Variants in LAMA1 observed in about 807,000 individuals in gnomAD.
LAMA1 encodes laminin subunit alpha 1.
In LAMA1, 219 loss-of-function variants were observed where a neutral mutation model predicts 348.7. The ratio of observed to expected loss-of-function variants is 0.63; its 90% CI spans 0.56 to 0.70. The LOEUF (loss-of-function observed/expected upper bound fraction) is 0.70, where lower values mean the gene tolerates loss of function less well. Among genes scored for constraint, LAMA1 ranks in the 30% least tolerant of loss-of-function variants. The pLI is 0.00. For synonymous variants in LAMA1, 1,487 were observed against 1,491.0 expected (o/e 1.00, Z 0.06); for missense variants, 3,744 against 3,888.0 (o/e 0.96, Z 0.99).
intron 1 of LAMA1, among the ~76,000 whole-genome samples, chr18:7,097,276 A>T (rs985725057): frequency 6.6e-5 from 10 of 151,776 alleles, no homozygotes; most frequent in Admixed American, 3.9e-4. Flanking sequence ...TGAACAAAAA[A>T]AATAATAAAA....
chr18:7,072,972 T>C (rs1022581114), intron 3 of LAMA1, among the ~76,000 whole-genome samples: 3 of 152,102 alleles, frequency 2.0e-5, no homozygotes, highest in African/African-American at 4.8e-5. Context: ...GACTCCAGCC[T>C]CCAGCTTTCC....
At chr18:7,100,058 C>CAA (rs3038921) in intron 1 of LAMA1, among the ~76,000 whole-genome samples, 1,486 of 79,236 alleles carry the variant, frequency 0.019, 136 homozygotes, top group African/African-American at 0.06. Context: ...GACTTTGTCT[C>CAA]AAAAAAAAAA....
chr18:7,026,708 T>C (rs2057945036), intron 16 of LAMA1, among the ~76,000 whole-genome samples: 1 of 152,090 alleles, frequency 6.6e-6, no homozygotes, highest in African/African-American at 2.4e-5. Context: ...AAAAAAATGA[T>C]CATATTCGGC....
chr18:7,036,525 T>C (rs944920727), intron 12 of LAMA1, among the ~76,000 whole-genome samples: 2 of 152,202 alleles, frequency 1.3e-5, no homozygotes, highest in Non-Finnish European at 1.5e-5. Context: ...ACTAAAGGTG[T>C]TTCTTCTGAT....
intron 5 of LAMA1, among the ~76,000 whole-genome samples, chr18:7,047,203 C>T (rs566062439): frequency 6.6e-6 from 1 of 152,094 alleles, no homozygotes; most frequent in East Asian, 1.9e-4. Context: ...CGCCACCACG[C>T]CCAGCTAATT....
In LAMA1 at chr18:7,096,860, T is replaced by C. The variant is rs180953999; in HGVS notation, c.62-16403A>G. On this transcript the variant is annotated intron_variant, in intron 1 of 62. Coordinates refer to ENST00000389658, the MANE Select transcript of LAMA1 (RefSeq NM_005559.4). ...AACAACAAACTGGCAAGCTTTTCTTTAGGAAAAGCTGCTAGAGTTTTGGGT... is the reference window on the plus strand; with the variant it reads ...AACAACAAACTGGCAAGCTTTTCTTCAGGAAAAGCTGCTAGAGTTTTGGGT... Among the ~76,000 whole-genome samples, 376 of 152,310 alleles carry C rather than the reference T, an allele frequency of 2.5e-3. 2 individuals carry two copies. Among genetic ancestry groups the C allele is most frequent in the African/African-American group, 8.6e-3 (357 of 41,564 alleles).
At chr18:7,075,973 T>C (rs1358021812) in intron 3 of LAMA1, among the ~76,000 whole-genome samples, 1 of 152,020 alleles carries the variant, frequency 6.6e-6, no homozygotes. Context: ...AATGCAATTA[T>C]TGACTCAGTG....
At chr18:7,095,583 C>A (rs2058257863) in intron 1 of LAMA1, among the ~76,000 whole-genome samples, 1 of 152,214 alleles carries the variant, frequency 6.6e-6, no homozygotes, top group South Asian at 2.1e-4. Flanking sequence ...AGTGCCAGCT[C>A]TCTTTCAGCT....
At position 6,949,277 on chromosome 18, in the gene LAMA1, C is replaced by T. The variant is rs780814756; in HGVS notation, c.8398-18G>A. 9 of 1,613,814 alleles carry T rather than the reference C, an allele frequency of 5.6e-6. No individual in the cohort carries two copies. Among genetic ancestry groups the T allele is most frequent in the Non-Finnish European group, 7.6e-6 (9 of 1,179,822 alleles). On this transcript the variant is annotated intron_variant, in intron 58 of 62. Coordinates refer to ENST00000389658, the MANE Select transcript of LAMA1 (RefSeq NM_005559.4). ...GTCTTGACCTACAGCAAAGTGAAAA[C>T]ATGCATAATTTTTGAGGAATCTGAA...
At chr18:7,014,551 G>T (rs2057876937) in intron 22 of LAMA1, among the ~76,000 whole-genome samples, 1 of 151,626 alleles carries the variant, frequency 6.6e-6, no homozygotes, top group Non-Finnish European at 1.5e-5. Flanking sequence ...GAGCCCAAGA[G>T]GTCAAGGATA....
At chr18:7,025,883 A>G in intron 17 of LAMA1, 96 bp downstream of exon 17, 1 of 1,502,928 alleles carries the variant, frequency 6.7e-7, no homozygotes, top group Non-Finnish European at 9.1e-7. Context: ...TCACACACGT[A>G]TTACACACAC....
At chr18:6,956,475 T>TC (rs746433395) in intron 56 of LAMA1, 161 bp downstream of exon 56, 1 of 1,224,016 alleles carries the variant, frequency 8.2e-7, no homozygotes, top group African/African-American at 1.5e-5. Flanking sequence ...AGGCACCCTT[T>TC]CCCTCCCTGT....
Position 7,010,294 on chromosome 18 carries a change from A to G in LAMA1, c.3779T>C (p.Ile1260Thr), listed in dbSNP as rs2057853722. The change falls in exon 26 of 63, where the codon ATC (isoleucine) becomes ACC (threonine). Residue 1260 changes from isoleucine (I) to threonine (T), a missense_variant. By Grantham distance (89) the Ile-to-Thr change is moderately conservative (BLOSUM62 -1). Transcript: ENST00000389658. ...TTGCTTTCTGATCCGACCACCTTTGATGAGAACTTGAGGCTCAAAATTGGA... is the reference window on the plus strand; with the variant it reads ...TTGCTTTCTGATCCGACCACCTTTGGTGAGAACTTGAGGCTCAAAATTGGA... ...GTSNFEPQVL[I>T]KGGRIRKQVI... The G allele has an allele frequency of 6.2e-7, 1 of 1,614,022 alleles. No homozygotes were observed. Among genetic ancestry groups the G allele is most frequent in the African/African-American group, 1.3e-5 (1 of 74,900 alleles).
chr18:7,061,330 A>T (rs8090765), intron 3 of LAMA1, among the ~76,000 whole-genome samples: 4,183 of 152,306 alleles, frequency 0.027, 172 homozygotes, highest in East Asian at 0.2. Context: ...TAGCTGGAAC[A>T]GCCTCAAAAC....
chr18:7,013,283 C>T (rs2057869747), intron 23 of LAMA1, among the ~76,000 whole-genome samples: 1 of 152,120 alleles, frequency 6.6e-6, no homozygotes, highest in South Asian at 2.1e-4. Context: ...ATCATCAAGC[C>T]AGAGGGCTCC....
intron 1 of LAMA1, among the ~76,000 whole-genome samples, chr18:7,090,690 A>G (rs538510945): frequency 1.3e-4 from 19 of 145,760 alleles, no homozygotes; most frequent in African/African-American, 4.5e-4. Context: ...GAGAACAGAG[A>G]GAGAGAGAGA....
At chr18:7,020,686 G>A (rs181978974) in intron 19 of LAMA1, among the ~76,000 whole-genome samples, 2 of 152,224 alleles carry the variant, frequency 1.3e-5, no homozygotes, top group Admixed American at 6.5e-5. Flanking sequence ...TGCTCTAACC[G>A]TCCTTCCTCC....
At position 6,991,351 on chromosome 18, in the gene LAMA1, A is replaced by AAC. The variant is rs1225142747; in HGVS notation, c.5168+1208_5168+1209dup. ...GGAAGTGCATGTTAGGAATCCTCAA[A>AAC]ACACAAATTCTTTGACTAAATAATT... On this transcript the variant is annotated intron_variant, in intron 36 of 62. Coordinates refer to ENST00000389658, the MANE Select transcript of LAMA1 (RefSeq NM_005559.4). Among the ~76,000 whole-genome samples the AAC allele has an allele frequency of 4.6e-5, 7 of 151,932 alleles. No individual in the cohort carries two copies. In the East Asian group the frequency reaches 1.2e-3, roughly 25 times the overall value.
At chr18:7,000,143 G>T (rs1568025185) in intron 30 of LAMA1, 146 bp from the exon 31 acceptor site, 2 of 649,634 alleles carry the variant, frequency 3.1e-6, no homozygotes, top group South Asian at 1.8e-5. Context: ...CAATCTACCT[G>T]GCAAAAAGAA....
Sources: gnomAD v4.1 joint callset for allele counts (sites outside exome capture counted in the v4.1 genomes callset) on GRCh38, gnomAD v4.1.1 for gene constraint, MANE v1.5 for transcripts, NCBI Gene and HGNC (gene_info 2026-07-23, HGNC 2026-07-21) for gene names.